Variants in DRAXIN observed in about 807,000 individuals in gnomAD.
The protein encoded by DRAXIN is dorsal inhibitory axon guidance protein, also known as dorsal repulsive axon guidance protein.
Under a neutral mutation model 33.9 loss-of-function variants are expected in DRAXIN, and 27 were observed. The observed-to-expected ratio is 0.80, with a 90% CI of 0.59 to 1.10. The LOEUF is 1.10. Among genes scored for constraint, DRAXIN ranks in the 50% least tolerant of loss-of-function variants. The pLI, the probability that DRAXIN is intolerant of heterozygous loss-of-function variation, is 0.00. For synonymous variants in DRAXIN, 178 were observed against 194.0 expected, an observed-to-expected ratio of 0.92 and a Z score of 0.69; for missense variants, 371 against 460.8, an observed-to-expected ratio of 0.81 and a Z score of 1.78.
chr1:11,723,609 T>C lies in DRAXIN; in HGVS notation c.*3913T>C, dbSNP rs1641687304. 6.6e-6 allele frequency: 1 copy of C among 151,966 alleles called. No homozygotes were observed. The highest frequency in any genetic ancestry group is 3.4e-3 in the Middle Eastern group (1 of 294). The allele number at this position is 151,966 out of a possible 1,614,324, so 9.4% of individuals were successfully genotyped here. ...TACTTCTTTTTTTTTTTTTTTCTTT[T>C]GAGACAGAGTTTCACTCTTGTTGCC... On this transcript the variant is annotated 3_prime_UTR_variant, in exon 7 of 7. Coordinates refer to ENST00000294485, the MANE Select transcript of DRAXIN (RefSeq NM_198545.4).
chr1:11,701,352 AC>A (rs1371490611), intron 1 of DRAXIN, among the ~76,000 whole-genome samples: 5 of 151,590 alleles, frequency 3.3e-5, no homozygotes, highest in Non-Finnish European at 7.4e-5. Context: ...GTGGCTTACA[AC>A]CCCCTCGCCC....
In DRAXIN at chr1:11,705,069, G is replaced by A. The variant is rs1020452217; in HGVS notation, c.-10-1180G>A. Among the ~76,000 whole-genome samples the A allele has an allele frequency of 1.3e-5, 2 of 152,216 alleles. No individual in the cohort carries two copies. The highest frequency in any genetic ancestry group is 1.9e-4 in the East Asian group (1 of 5,192). On this transcript the variant is annotated intron_variant, in intron 1 of 6. Coordinates refer to ENST00000294485, the MANE Select transcript of DRAXIN (RefSeq NM_198545.4). The surrounding 1 kb of genome is among the most constrained non-coding windows in gnomAD (Gnocchi z 4.8). ...CATGGGGGCCGCAGGGAGAGGCGCC[G>A]GGAAGCAGGGAAACATCACAGGCCC...
At chr1:11,710,730 T>C (rs2878596) in intron 3 of DRAXIN, among the ~76,000 whole-genome samples, 15,137 of 138,524 alleles carry the variant, frequency 0.11, 901 homozygotes, top group Middle Eastern at 0.19. Context: ...CTGGCTAACA[T>C]GGTGAAACCC....
At chr1:11,698,050 A>C (rs59443781) in intron 1 of DRAXIN, among the ~76,000 whole-genome samples, 22,608 of 151,882 alleles carry the variant, frequency 0.15, 1,729 homozygotes, top group East Asian at 0.29. Context: ...TACCCGGAAC[A>C]CCACCACCAC....
intron 6 of DRAXIN, among the ~76,000 whole-genome samples, chr1:11,716,717 G>A (rs1251967662): frequency 6.6e-6 from 1 of 152,150 alleles, no homozygotes; most frequent in East Asian, 1.9e-4. Context: ...CTGTCACCCA[G>A]GCTGGAGTGC....
chr1:11,706,841 G>C lies in DRAXIN; in HGVS notation c.451+132G>C. The C allele has an allele frequency of 9.8e-7, 1 of 1,019,574 alleles. No individual in the cohort carries two copies. Among genetic ancestry groups the C allele is most frequent in the Non-Finnish European group, 1.4e-6 (1 of 726,694 alleles). The allele number at this position is 1,019,574 out of a possible 1,614,324, so 63.2% of individuals were successfully genotyped here. A position where few individuals can be genotyped will look rare whatever the true frequency, so the allele number is the denominator to read the frequency against. ...AGGAGGGGTCTCACTGAAGCCAGAG[G>C]GACCTGGTAAGGGGAGGAGGCTGGG... On this transcript the variant is annotated intron_variant, in intron 2 of 6. Transcript: ENST00000294485. The surrounding 1 kb of genome is among the most constrained non-coding windows in gnomAD (Gnocchi z 5.5).
At chr1:11,693,503 C>T (rs1172575050) in intron 1 of DRAXIN, among the ~76,000 whole-genome samples, 1 of 152,142 alleles carries the variant, frequency 6.6e-6, no homozygotes, top group African/African-American at 2.4e-5. Context: ...TTAATGAGGG[C>T]AACTTCAGAA....
In DRAXIN at chr1:11,723,735, G is replaced by A. The variant is rs1342277114; in HGVS notation, c.*4039G>A. Reference sequence around the variant, plus strand: ...AGCCTCTCGCGTACCTGGGATTATAGGCAAGCATCACCACGCCCGGTTACT... The same window carrying A: ...AGCCTCTCGCGTACCTGGGATTATAAGCAAGCATCACCACGCCCGGTTACT... On this transcript the variant is annotated 3_prime_UTR_variant, in exon 7 of 7. Transcript: ENST00000294485. The A allele has an allele frequency of 6.6e-6, 1 of 152,068 alleles. No individual in the cohort carries two copies. Among genetic ancestry groups the A allele is most frequent in the Non-Finnish European group, 1.5e-5 (1 of 68,056 alleles). The allele number at this position is 152,068 out of a possible 1,614,324, so 9.4% of individuals were successfully genotyped here. A position where few individuals can be genotyped will look rare whatever the true frequency, so the allele number is the denominator to read the frequency against.
rs1334807938 is a variant in DRAXIN, at chr1:11,724,785, A to G, written c.*5089A>G. ...AGTGGAGAGGCCAGAGAAGCAAACCACTGTGGCTCCTCACTGGGGGTTTCA... is the reference window on the plus strand; with the variant it reads ...AGTGGAGAGGCCAGAGAAGCAAACCGCTGTGGCTCCTCACTGGGGGTTTCA... On this transcript the variant is annotated 3_prime_UTR_variant, in exon 7 of 7. Coordinates refer to ENST00000294485, the MANE Select transcript of DRAXIN (RefSeq NM_198545.4). 1 of 152,280 alleles carries G rather than the reference A, an allele frequency of 6.6e-6. No homozygotes were observed. The highest frequency in any genetic ancestry group is 1.5e-5 in the Non-Finnish European group (1 of 68,102). The allele number at this position is 152,280 out of a possible 1,614,324, so 9.4% of individuals were successfully genotyped here.
Position 11,709,356 on chromosome 1 carries a change from A to C in DRAXIN, c.533A>C (p.Glu178Ala). The C allele has an allele frequency of 6.2e-7, 1 of 1,614,048 alleles. No individual in the cohort carries two copies. Residue 178 changes from glutamate (E) to alanine (A), a missense_variant, in exon 3 of 7, where the codon GAG becomes GCG. Glu to Ala is a moderately radical substitution (Grantham distance 107, BLOSUM62 -1). Transcript: ENST00000294485. ...GCCCAGGTGCTGGATGCAGCCATGGAGGAATCCTCCACCAGCCTGGCGCCC... is the reference window on the plus strand; with the variant it reads ...GCCCAGGTGCTGGATGCAGCCATGGCGGAATCCTCCACCAGCCTGGCGCCC... ...SEAQVLDAAM[E>A]ESSTSLAPTM...
chr1:11,719,501 G>A, intron 6 of DRAXIN, 83 bp from the exon 7 acceptor site: 1 of 1,228,562 alleles, frequency 8.1e-7, no homozygotes, highest in Non-Finnish European at 1.2e-6. Flanking sequence ...GGAGGGAGCT[G>A]GCTGGCCCCG....
intron 1 of DRAXIN, among the ~76,000 whole-genome samples, chr1:11,698,511 G>A (rs1641226271): frequency 6.6e-6 from 1 of 152,212 alleles, no homozygotes; most frequent in Non-Finnish European, 1.5e-5. Flanking sequence ...AAGTGTCCAT[G>A]TGAGTGATGA....
At position 11,719,908 on chromosome 1, in the gene DRAXIN, G is replaced by C; in HGVS notation, c.*212G>C. On this transcript the variant is annotated 3_prime_UTR_variant, in exon 7 of 7. Coordinates refer to ENST00000294485, the MANE Select transcript of DRAXIN (RefSeq NM_198545.4). ...GCAGCACCTGCACACACGAAGTCCG[G>C]ACCCACGCAGCCTCCATCCCGCGTG... The C allele has an allele frequency of 1.8e-6, 1 of 549,614 alleles. No homozygotes were observed. Among genetic ancestry groups the C allele is most frequent in the Non-Finnish European group, 3.3e-6 (1 of 301,664 alleles). 34.0% of individuals were successfully genotyped at this position (549,614 alleles called of 1,614,324 possible).
At chr1:11,690,900 G>A (rs568694491), upstream of DRAXIN, among the ~76,000 whole-genome samples, 3 of 152,224 alleles carry the variant, frequency 2.0e-5, no homozygotes, top group Admixed American at 6.5e-5. The surrounding 1 kb of genome is among the most constrained non-coding windows in gnomAD (Gnocchi z 4.2). Context: ...GGCTTTGGAC[G>A]GGGCGTGGCG....
rs140703728 is a variant in DRAXIN at position 11,724,841 on chromosome 1, G to A, written c.*5145G>A. 6.9e-4 allele frequency: 105 copies of A among 152,452 alleles called. No individual in the cohort carries two copies. Among genetic ancestry groups the A allele is most frequent in the African/African-American group, 2.4e-3 (99 of 41,592 alleles). The allele number at this position is 152,452 out of a possible 1,614,324, so 9.4% of individuals were successfully genotyped here. The stretch of plus-strand genomic sequence containing the variant: ...TTGGACTGAGCCCTGTCACCTCTGT[G>A]ATAGTCTTCACTCTGACAGGCAATG... On this transcript the variant is annotated 3_prime_UTR_variant, in exon 7 of 7. Coordinates refer to ENST00000294485, the MANE Select transcript of DRAXIN (RefSeq NM_198545.4).
rs1475516886 is a variant in DRAXIN, at chr1:11,723,850, C to G, written c.*4154C>G. ...TCAGGTGATCCCCCCGTCTCAGCCTCCCAAAGTGCTGGGATTACAGGCATG... is the reference window on the plus strand; with the variant it reads ...TCAGGTGATCCCCCCGTCTCAGCCTGCCAAAGTGCTGGGATTACAGGCATG... On this transcript the variant is annotated 3_prime_UTR_variant, in exon 7 of 7. Transcript: ENST00000294485. 6.6e-6 allele frequency: 1 copy of G among 152,258 alleles called. No individual in the cohort carries two copies. The highest frequency in any genetic ancestry group is 1.9e-4 in the East Asian group (1 of 5,196). The allele number at this position is 152,258 out of a possible 1,614,324, so 9.4% of individuals were successfully genotyped here.
chr1:11,703,880 G>A (rs570957955), intron 1 of DRAXIN, among the ~76,000 whole-genome samples: 1 of 152,314 alleles, frequency 6.6e-6, no homozygotes, highest in African/African-American at 2.4e-5. Flanking sequence ...AGCTTGGGAA[G>A]GTGGCAGTCT....
chr1:11,698,028 G>A (rs750262371), intron 1 of DRAXIN, among the ~76,000 whole-genome samples: 9 of 151,832 alleles, frequency 5.9e-5, no homozygotes, highest in Admixed American at 5.9e-4. Flanking sequence ...CTGCACTGCC[G>A]GGCTCCATCC....
rs1296793201 is a variant in DRAXIN at position 11,705,957 on chromosome 1, C to T, written c.-10-292C>T. Among the ~76,000 whole-genome samples, 4 of 151,988 alleles carry T rather than the reference C, an allele frequency of 2.6e-5. No homozygotes were observed. The highest frequency in any genetic ancestry group is 9.7e-5 in the African/African-American group (4 of 41,376). ...TGAATGCTGCTGAAATGATTTAAGC[C>T]GGGGGTTCTCAGCCTCGGTACTGTT... is the stretch of plus-strand genomic sequence containing the variant. On this transcript the variant is annotated intron_variant, in intron 1 of 6. Coordinates refer to ENST00000294485, the MANE Select transcript of DRAXIN (RefSeq NM_198545.4). This position sits in a 1 kb window ranked among gnomAD's most constrained non-coding sequence, Gnocchi z 4.8.
Sources: allele counts gnomAD v4.1 joint callset (sites outside exome capture counted in the v4.1 genomes callset), GRCh38; gene constraint gnomAD v4.1.1; non-coding constraint Gnocchi (gnomAD v3.1); transcripts MANE v1.5; gene names NCBI Gene and HGNC (gene_info 2026-07-23, HGNC 2026-07-21).